The following CCDC149 variants were observed in gnomAD, a reference collection of about 807,000 sequenced individuals.
CCDC149 encodes the protein coiled-coil domain-containing protein 149.
CCDC149 carries 45 observed loss-of-function variants against 59.9 expected under a neutral mutation model. The observed-to-expected ratio is 0.75, with a 90% CI of 0.59 to 0.96. The LOEUF is 0.96. Ranked by LOEUF, CCDC149 falls within the 40% of genes least tolerant of loss-of-function variation. The pLI, the probability that CCDC149 is intolerant of heterozygous loss-of-function variation, is 0.00. For missense variants in CCDC149, 584 were observed against 664.7 expected (o/e 0.88, Z 1.33); for synonymous variants, 245 against 260.6 (o/e 0.94, Z 0.58).
chr4:24,921,103 T>A (rs1722279757), intron 1 of CCDC149, among the ~76,000 whole-genome samples: 1 of 152,232 alleles, frequency 6.6e-6, no homozygotes, highest in Non-Finnish European at 1.5e-5. Flanking sequence ...TGGCACATAG[T>A]AGGTGCTTAA....
chr4:24,975,308 A>G (rs73250667), intron 1 of CCDC149, among the ~76,000 whole-genome samples: 4,781 of 149,874 alleles, frequency 0.032, 152 homozygotes, highest in African/African-American at 0.079. Context: ...AGAAAGGGAA[A>G]AGAAGGGAGG....
chr4:24,974,500 C>T (rs1724091507), intron 1 of CCDC149, among the ~76,000 whole-genome samples: 1 of 152,202 alleles, frequency 6.6e-6, no homozygotes, highest in African/African-American at 2.4e-5. Flanking sequence ...ATCACCGGAC[C>T]TTTCTGCATC....
intron 3 of CCDC149, among the ~76,000 whole-genome samples, chr4:24,872,291 T>G (rs764297727): frequency 1.3e-5 from 2 of 152,176 alleles, no homozygotes; most frequent in Non-Finnish European, 2.9e-5. Context: ...AGTAAAGGCA[T>G]GTGAATTTTA....
intron 1 of CCDC149, among the ~76,000 whole-genome samples, chr4:24,975,583 G>A (rs1724150564): frequency 6.7e-6 from 1 of 149,912 alleles, no homozygotes; most frequent in African/African-American, 2.5e-5. Flanking sequence ...GAAGAGAGGA[G>A]AGGGAAGGGG....
At chr4:24,896,820 T>C (rs1720871021) in intron 1 of CCDC149, among the ~76,000 whole-genome samples, 2 of 152,160 alleles carry the variant, frequency 1.3e-5, no homozygotes, top group African/African-American at 2.4e-5. Flanking sequence ...CAAAGGGACT[T>C]TGGGGAAAGA....
chr4:24,955,202 G>A (rs890101183), intron 1 of CCDC149, among the ~76,000 whole-genome samples: 9 of 152,194 alleles, frequency 5.9e-5, no homozygotes, highest in African/African-American at 2.2e-4. Flanking sequence ...TTGGTGTCTG[G>A]TGAGGGCCTT....
rs528235720 is a variant in CCDC149, at chr4:24,928,467, G to A, written c.-64-33349C>T. ...ATGGATGGTATGCATAAAAGTCGAA[G>A]GCTTAACATGGACCACCAGTATTTT... On this transcript the variant is annotated intron_variant, in intron 1 of 12. Coordinates refer to the CCDC149 transcript ENST00000389609. Among the ~76,000 whole-genome samples the A allele has an allele frequency of 3.3e-5, 5 of 152,274 alleles. No homozygotes were observed. The East Asian group carries it at 9.6e-4, about 29-fold the overall frequency.
At chr4:24,846,196 A>G (rs577334453) in intron 4 of CCDC149, among the ~76,000 whole-genome samples, 2 of 152,326 alleles carry the variant, frequency 1.3e-5, no homozygotes, top group African/African-American at 4.8e-5. Context: ...CTGCTGAACT[A>G]GACTGGCCGC....
intron 1 of CCDC149, among the ~76,000 whole-genome samples, chr4:24,940,107 G>A (rs1282597363): frequency 6.6e-6 from 1 of 152,160 alleles, no homozygotes; most frequent in Non-Finnish European, 1.5e-5. Flanking sequence ...ATTCACCAAA[G>A]TTGAAATGAG....
In CCDC149 at chr4:24,820,910, A is replaced by C. The variant is rs564563394; in HGVS notation, c.1075+145T>G. On this transcript the variant is annotated intron_variant, in intron 11 of 12. Transcript: ENST00000635206. ...ATCCTTTAATATTTGTTTTGTACTA[A>C]TTGAATTCTCTATTTCAATTGACTA... The C allele has an allele frequency of 4.3e-5, 19 of 441,080 alleles. No homozygotes were observed. In the South Asian group the frequency reaches 2.4e-3, roughly 55 times the overall value. 27.3% of individuals were successfully genotyped at this position (441,080 alleles called of 1,614,324 possible). A position where few individuals can be genotyped will look rare whatever the true frequency, so the allele number is the denominator to read the frequency against.
intron 1 of CCDC149, among the ~76,000 whole-genome samples, chr4:24,886,571 A>G (rs1720190209): frequency 6.6e-6 from 1 of 152,244 alleles, no homozygotes; most frequent in Non-Finnish European, 1.5e-5. Flanking sequence ...TGAGAAAACA[A>G]CAAATGTGCA....
chr4:24,908,174 C>T (rs1204802300), intron 1 of CCDC149, among the ~76,000 whole-genome samples: 2 of 152,142 alleles, frequency 1.3e-5, no homozygotes, highest in East Asian at 1.9e-4. Context: ...TTGAACACAT[C>T]GTTTTGGGGA....
intron 4 of CCDC149, among the ~76,000 whole-genome samples, chr4:24,839,872 T>C (rs893083529): frequency 1.3e-5 from 2 of 152,198 alleles, no homozygotes; most frequent in African/African-American, 4.8e-5. Context: ...GGGTTTCATA[T>C]ATGAATGGGA....
chr4:24,870,937 C>A (rs892034432), intron 3 of CCDC149, among the ~76,000 whole-genome samples: 8 of 149,380 alleles, frequency 5.4e-5, no homozygotes, highest in Non-Finnish European at 5.9e-5. Flanking sequence ...CCCAGCAACT[C>A]GGGGGGCTAA....
chr4:24,857,214 G>A (rs1718068042), intron 3 of CCDC149, among the ~76,000 whole-genome samples: 1 of 152,176 alleles, frequency 6.6e-6, no homozygotes, highest in Non-Finnish European at 1.5e-5. Context: ...TACATTGGTA[G>A]CTACTGTATG....
At chr4:24,834,496 A>C (rs1275208621) in intron 8 of CCDC149, among the ~76,000 whole-genome samples, 2 of 152,186 alleles carry the variant, frequency 1.3e-5, no homozygotes, top group Non-Finnish European at 2.9e-5. Context: ...CTGATCGTAG[A>C]GGCCGGGAAA....
At chr4:24,933,663 C>G (rs34435249) in intron 1 of CCDC149, among the ~76,000 whole-genome samples, 1 of 151,990 alleles carries the variant, frequency 6.6e-6, no homozygotes, top group Admixed American at 6.6e-5. Context: ...GAGGGAGAGA[C>G]AGATAATAAG....
intron 1 of CCDC149, among the ~76,000 whole-genome samples, chr4:24,936,759 C>G (rs1413307161): frequency 1.3e-5 from 2 of 152,150 alleles, no homozygotes; most frequent in African/African-American, 4.8e-5. Context: ...TAGAGGCTCA[C>G]TGGAAGAACC....
intron 1 of CCDC149, among the ~76,000 whole-genome samples, chr4:24,901,768 T>C (rs1218003158): frequency 6.6e-6 from 1 of 152,084 alleles, no homozygotes; most frequent in Non-Finnish European, 1.5e-5. Flanking sequence ...TCTCCTAACC[T>C]CCTGTCACTT....
Sources: allele counts gnomAD v4.1 joint callset (sites outside exome capture counted in the v4.1 genomes callset), GRCh38; gene constraint gnomAD v4.1.1; transcripts MANE v1.5; gene names NCBI Gene and HGNC (gene_info 2026-07-23, HGNC 2026-07-21).